The following PEBP4 variants were observed in gnomAD, a reference collection of about 807,000 sequenced individuals.
PEBP4 encodes phosphatidylethanolamine binding protein 4, also known as phosphatidylethanolamine-binding protein 4.
In PEBP4, 22 loss-of-function variants were observed where a neutral mutation model predicts 23.9. The observed-to-expected ratio is 0.92, with a 90% CI of 0.66 to 1.31. PEBP4 has a LOEUF of 1.31. PEBP4 is among the 40% of genes most tolerant of loss of function. The probability of loss-of-function intolerance (pLI) is 0.00; values close to 1 mark genes in which losing one functional copy is unlikely to be tolerated. For synonymous variants in PEBP4, 112 were observed against 99.3 expected, an observed-to-expected ratio of 1.13 and a Z score of -0.76; for missense variants, 324 against 281.7, an observed-to-expected ratio of 1.15 and a Z score of -1.07.
At chr8:22,797,933 C>A in intron 4 of PEBP4, among the ~76,000 whole-genome samples, 1 of 152,032 alleles carries the variant, frequency 6.6e-6, no homozygotes, top group Admixed American at 6.6e-5. Flanking sequence ...TGCACGGGTG[C>A]AGGAGGGAGG....
intron 4 of PEBP4, among the ~76,000 whole-genome samples, chr8:22,751,463 G>A (rs1462297564): frequency 6.6e-6 from 1 of 152,158 alleles, no homozygotes; most frequent in East Asian, 1.9e-4. Flanking sequence ...ACTAAGGGAG[G>A]AATCTAGGTG....
intron 4 of PEBP4, among the ~76,000 whole-genome samples, chr8:22,758,565 C>T (rs931310659): frequency 3.9e-5 from 6 of 152,172 alleles, no homozygotes; most frequent in East Asian, 1.9e-4. Context: ...CAGAAAAGCC[C>T]GCAGCCCAGT....
intron 6 of PEBP4, among the ~76,000 whole-genome samples, chr8:22,723,695 G>A (rs976705933): frequency 2.0e-5 from 3 of 152,240 alleles, no homozygotes; most frequent in African/African-American, 4.8e-5. Flanking sequence ...TGGCAAAGCC[G>A]TTTAAACAGA....
At position 22,795,898 on chromosome 8, in the gene PEBP4, G is replaced by T. The variant is rs558054545; in HGVS notation, c.357+21739C>A. ...CAACACACATGGATAAGATTTTTTT[G>T]TGTGTGCTTCTAAGTGTCAAAGACA... On this transcript the variant is annotated intron_variant, in intron 4 of 6. Transcript: ENST00000256404. Among the ~76,000 whole-genome samples the T allele has an allele frequency of 5.9e-5, 9 of 152,206 alleles. No homozygotes were observed. The South Asian group carries it at 1.2e-3, about 21-fold the overall frequency.
intron 2 of PEBP4, among the ~76,000 whole-genome samples, chr8:22,920,568 G>A (rs1290538001): frequency 6.6e-6 from 1 of 152,192 alleles, no homozygotes. Flanking sequence ...GGTCAGAACA[G>A]AACCTGGCAC....
intron 3 of PEBP4, chr8:22,895,541 A>G (rs1361441420): frequency 6.6e-6 from 1 of 152,176 alleles, no homozygotes; most frequent in Non-Finnish European, 1.5e-5. Context: ...ATTCTGATTA[A>G]GGTTCTCTGA....
rs887428835 is a variant in PEBP4, at chr8:22,914,226, C to T, written c.258+5958G>A. On this transcript the variant is annotated intron_variant, in intron 3 of 6. Coordinates refer to ENST00000256404, the MANE Select transcript of PEBP4 (RefSeq NM_144962.3). ...TGATCTCCTGACTTCAAGTGATCTG[C>T]CCACCTCAGCCTCCCAAAGTGCTGG... 5.3e-5 allele frequency among the ~76,000 whole-genome samples: 8 copies of T among 152,206 alleles called. No homozygotes were observed. In the East Asian group the frequency reaches 7.7e-4, roughly 15 times the overall value.
intron 3 of PEBP4, among the ~76,000 whole-genome samples, chr8:22,881,054 T>C (rs1215139370): frequency 6.6e-6 from 1 of 152,186 alleles, no homozygotes; most frequent in East Asian, 1.9e-4. Context: ...GGTTGAGCCA[T>C]CTAGAGGTAC....
At chr8:22,825,041 A>G (rs1446502608) in intron 3 of PEBP4, among the ~76,000 whole-genome samples, 1 of 152,220 alleles carries the variant, frequency 6.6e-6, no homozygotes, top group Non-Finnish European at 1.5e-5. Flanking sequence ...GCCCCAGAAG[A>G]GACGTTTTCA....
At chr8:22,715,666 C>T (rs746687507) in intron 6 of PEBP4, among the ~76,000 whole-genome samples, 8 of 152,216 alleles carry the variant, frequency 5.3e-5, no homozygotes, top group Non-Finnish European at 7.3e-5. Flanking sequence ...CTGGGGCACT[C>T]GTGGTTCCTT....
intron 4 of PEBP4, among the ~76,000 whole-genome samples, chr8:22,807,811 A>G (rs1384206355): frequency 6.6e-6 from 1 of 151,774 alleles, no homozygotes; most frequent in Non-Finnish European, 1.5e-5. Context: ...CCATTTATCC[A>G]TCCATCCATC....
At chr8:22,747,971 G>A (rs914328425) in intron 4 of PEBP4, among the ~76,000 whole-genome samples, 2 of 152,246 alleles carry the variant, frequency 1.3e-5, no homozygotes, top group Non-Finnish European at 2.9e-5. Context: ...GTTCGTCCCA[G>A]CCTGGGTGGA....
intron 2 of PEBP4, 99 bp from the exon 3 acceptor site, chr8:22,920,409 T>C (rs1451661245): frequency 7.5e-7 from 1 of 1,339,122 alleles, no homozygotes; most frequent in Non-Finnish European, 1.0e-6. Context: ...TAAAGTGAAA[T>C]GGGATCAAAT....
At chr8:22,866,874 T>C (rs1807914363) in intron 3 of PEBP4, among the ~76,000 whole-genome samples, 1 of 152,124 alleles carries the variant, frequency 6.6e-6, no homozygotes, top group Non-Finnish European at 1.5e-5. Context: ...AAGGTGGTGA[T>C]GTGTGAGTTT....
At chr8:22,776,196 T>C (rs1805812047) in intron 4 of PEBP4, among the ~76,000 whole-genome samples, 1 of 152,202 alleles carries the variant, frequency 6.6e-6, no homozygotes, top group Non-Finnish European at 1.5e-5. Context: ...GCTCACACCC[T>C]TCCTAGCAGA....
intron 4 of PEBP4, among the ~76,000 whole-genome samples, chr8:22,758,863 T>TA (rs2128752744): frequency 6.6e-6 from 1 of 152,038 alleles, no homozygotes; most frequent in East Asian, 1.9e-4. Flanking sequence ...TGCCTTGCCT[T>TA]GGAAGGGAGA....
At chr8:22,728,708 C>A (rs1465635563) in intron 4 of PEBP4, among the ~76,000 whole-genome samples, 2 of 151,926 alleles carry the variant, frequency 1.3e-5, no homozygotes, top group Non-Finnish European at 2.9e-5. Flanking sequence ...AGCGATTCTC[C>A]TGCCTCAACT....
intron 3 of PEBP4, among the ~76,000 whole-genome samples, chr8:22,867,085 G>A (rs1023531036): frequency 2.0e-5 from 3 of 152,222 alleles, no homozygotes; most frequent in African/African-American, 7.2e-5. Context: ...TTCTGGGGAA[G>A]CCCCTCGGGT....
chr8:22,866,217 C>G (rs771295963), intron 3 of PEBP4, among the ~76,000 whole-genome samples: 2 of 152,188 alleles, frequency 1.3e-5, no homozygotes, highest in Non-Finnish European at 2.9e-5. Context: ...TATCAGCCTG[C>G]GTTAGCTAAT....
Sources: allele counts gnomAD v4.1 joint callset (sites outside exome capture counted in the v4.1 genomes callset), GRCh38; gene constraint gnomAD v4.1.1; transcripts MANE v1.5; gene names NCBI Gene and HGNC (gene_info 2026-07-23, HGNC 2026-07-21).